Variants in PROSER2 observed in about 807,000 individuals in gnomAD.
PROSER2 encodes proline and serine-rich protein 2.
In PROSER2, 18 loss-of-function variants were observed where a neutral mutation model predicts 14.6. That is an observed-to-expected ratio of 1.23 (90% CI 0.85 to 1.83). The LOEUF (loss-of-function observed/expected upper bound fraction) is 1.83, where lower values mean the gene tolerates loss of function less well. Ranked by LOEUF, PROSER2 falls within the 40% of genes most tolerant of loss-of-function variation. The probability of loss-of-function intolerance (pLI) is 0.00; values close to 1 mark genes in which losing one functional copy is unlikely to be tolerated. For missense variants in PROSER2, 823 were observed against 629.8 expected (o/e 1.31, Z -3.28); for synonymous variants, 367 against 286.4 (o/e 1.28, Z -2.84).
At chr10:11,853,175 C>G (rs1384755759) in intron 2 of PROSER2, among the ~76,000 whole-genome samples, 1 of 152,178 alleles carries the variant, frequency 6.6e-6, no homozygotes, top group Non-Finnish European at 1.5e-5. Flanking sequence ...TAAAATTAGC[C>G]TCAGTTACGC....
At chr10:11,835,020 T>G (rs778966158) in intron 1 of PROSER2, among the ~76,000 whole-genome samples, 2 of 150,536 alleles carry the variant, frequency 1.3e-5, no homozygotes, top group African/African-American at 4.9e-5. Flanking sequence ...GGCAGGAGAA[T>G]TGTTCAAACC....
At position 11,871,556 on chromosome 10, in the gene PROSER2, C is replaced by A. The variant is rs764771581; in HGVS notation, c.*1150C>A. On this transcript the variant is annotated 3_prime_UTR_variant, in exon 4 of 4. Coordinates refer to ENST00000277570, the MANE Select transcript of PROSER2 (RefSeq NM_153256.4). ...TTAAAGATCCACCGACTGTCATGTT[C>A]CACAAGCAAGATCTCAGGGTAGGGA... 1 of 152,206 alleles carries A rather than the reference C, an allele frequency of 6.6e-6. No homozygotes were observed. Among genetic ancestry groups the A allele is most frequent in the African/African-American group, 2.4e-5 (1 of 41,446 alleles). The allele number at this position is 152,206 out of a possible 1,614,324, so 9.4% of individuals were successfully genotyped here.
At chr10:11,847,210 C>A (rs1295333677) in intron 1 of PROSER2, among the ~76,000 whole-genome samples, 1 of 149,350 alleles carries the variant, frequency 6.7e-6, no homozygotes, top group Non-Finnish European at 1.5e-5. Context: ...TTCTTCAACC[C>A]CATTTTCCTC....
At position 11,830,001 on chromosome 10, in the gene PROSER2, G is replaced by C. The variant is rs1833670177; in HGVS notation, c.-82+6531G>C. ...TGGGACTACAGGCGTGTGCCCCCATGCCTGGCTAATTTTTGCATTTTAGTA... is the reference window on the plus strand; with the variant it reads ...TGGGACTACAGGCGTGTGCCCCCATCCCTGGCTAATTTTTGCATTTTAGTA... On this transcript the variant is annotated intron_variant, in intron 1 of 3. Coordinates refer to ENST00000277570, the MANE Select transcript of PROSER2 (RefSeq NM_153256.4). This position sits in a 1 kb window ranked among gnomAD's most constrained non-coding sequence, Gnocchi z 4.5. Among the ~76,000 whole-genome samples, 1 of 151,866 alleles carries C rather than the reference G, an allele frequency of 6.6e-6. No homozygotes were observed. Among genetic ancestry groups the C allele is most frequent in the South Asian group, 2.1e-4 (1 of 4,806 alleles).
chr10:11,843,004 G>C (rs541169515), intron 1 of PROSER2, among the ~76,000 whole-genome samples: 1 of 134,212 alleles, frequency 7.5e-6, no homozygotes, highest in African/African-American at 2.7e-5. Context: ...GCTGTGGCAC[G>C]ATCTCGGCTC....
At chr10:11,852,470 C>T (rs1457607019) in intron 2 of PROSER2, among the ~76,000 whole-genome samples, 1 of 152,038 alleles carries the variant, frequency 6.6e-6, no homozygotes, top group Non-Finnish European at 1.5e-5. Flanking sequence ...GTAGATAGGA[C>T]CAGGCCCGGG....
chr10:11,857,743 T>TAAAAA (rs374000135), intron 2 of PROSER2, among the ~76,000 whole-genome samples: 53 of 106,538 alleles, frequency 5.0e-4, no homozygotes, highest in Non-Finnish European at 7.1e-4. Flanking sequence ...AGACCCCATC[T>TAAAAA]AAAAAAAAAA....
At chr10:11,843,201 A>G (rs1247873310) in intron 1 of PROSER2, among the ~76,000 whole-genome samples, 1 of 147,936 alleles carries the variant, frequency 6.8e-6, no homozygotes, top group Non-Finnish European at 1.5e-5. Flanking sequence ...CGGCCTCCCA[A>G]AGTGCCGGGA....
intron 1 of PROSER2, among the ~76,000 whole-genome samples, chr10:11,824,181 A>G (rs1348590633): frequency 2.0e-5 from 3 of 152,062 alleles, no homozygotes; most frequent in African/African-American, 7.2e-5. Flanking sequence ...AAAACTTTTA[A>G]CTCTACCAGA....
At chr10:11,850,087 G>A (rs941555124) in intron 1 of PROSER2, 1 of 152,268 alleles carries the variant, frequency 6.6e-6, no homozygotes, top group Admixed American at 6.5e-5. Flanking sequence ...GAAGACAATG[G>A]CTGTGGCAAT....
intron 2 of PROSER2, among the ~76,000 whole-genome samples, chr10:11,861,019 T>A (rs1834226339): frequency 6.6e-6 from 1 of 151,982 alleles, no homozygotes; most frequent in South Asian, 2.1e-4. Context: ...GGCAGGAGAA[T>A]TGCTTGAACC....
chr10:11,858,673 CTT>C (rs1420202938), intron 2 of PROSER2, among the ~76,000 whole-genome samples: 4 of 152,098 alleles, frequency 2.6e-5, no homozygotes, highest in Admixed American at 6.5e-5. Context: ...GCAATATTTC[CTT>C]CAGAGACTTG....
intron 3 of PROSER2, among the ~76,000 whole-genome samples, chr10:11,868,438 G>A (rs185966399): frequency 6.6e-6 from 1 of 151,850 alleles, no homozygotes; most frequent in Non-Finnish European, 1.5e-5. Context: ...ACCATGCCTG[G>A]CTAAATTTTT....
intron 2 of PROSER2, among the ~76,000 whole-genome samples, chr10:11,863,897 C>T (rs1311971582): frequency 6.6e-6 from 1 of 152,106 alleles, no homozygotes; most frequent in Admixed American, 6.6e-5. Flanking sequence ...TGCATGGTTT[C>T]CTTTGCCACC....
At position 11,869,558 on chromosome 10, in the gene PROSER2, G is replaced by T. The variant is rs768517572; in HGVS notation, c.460G>T (p.Ala154Ser). 9.1e-5 allele frequency: 147 copies of T among 1,612,878 alleles called. No individual in the cohort carries two copies. Among genetic ancestry groups the T allele is most frequent in the Non-Finnish European group, 1.2e-4 (139 of 1,179,210 alleles). Reference protein sequence around the residue: ...AETPPPPDPPAPETLLAPPPL... With the variant: ...AETPPPPDPPSPETLLAPPPL... Reference sequence around the variant, plus strand: ...GACTCCTCCACCTCCAGACCCCCCGGCTCCCGAGACCCTTCTTGCGCCACC... The same window carrying T: ...GACTCCTCCACCTCCAGACCCCCCGTCTCCCGAGACCCTTCTTGCGCCACC... The change falls in exon 4 of 4, where the codon GCT (alanine) becomes TCT (serine). Residue 154 changes from alanine to serine, a missense_variant. By Grantham distance (99) the Ala-to-Ser change is moderately conservative. Transcript: ENST00000277570. The surrounding 1 kb of genome is among the most constrained non-coding windows in gnomAD (Gnocchi z 4.4).
chr10:11,844,747 G>C (rs1042903021), intron 1 of PROSER2, among the ~76,000 whole-genome samples: 1 of 152,078 alleles, frequency 6.6e-6, no homozygotes, highest in African/African-American at 2.4e-5. Flanking sequence ...CTAGTCTCTC[G>C]AGTAGCTGGG....
At chr10:11,853,460 C>T (rs557025680) in intron 2 of PROSER2, among the ~76,000 whole-genome samples, 101 of 152,200 alleles carry the variant, frequency 6.6e-4, no homozygotes, top group African/African-American at 2.4e-3. Context: ...TGGTGGTGGG[C>T]ACCTGTAATC....
chr10:11,849,548 A>T (rs1833981965), intron 1 of PROSER2: 1 of 152,274 alleles, frequency 6.6e-6, no homozygotes, highest in East Asian at 1.9e-4. Flanking sequence ...AATAGTAAGC[A>T]TCAAAGAATA....
At chr10:11,845,242 G>A (rs1304285319) in intron 1 of PROSER2, among the ~76,000 whole-genome samples, 7 of 152,132 alleles carry the variant, frequency 4.6e-5, no homozygotes, top group East Asian at 1.9e-4. Context: ...GATACTATGC[G>A]GTTGCCCCCT....
Sources: allele counts gnomAD v4.1 joint callset (sites outside exome capture counted in the v4.1 genomes callset), GRCh38; gene constraint gnomAD v4.1.1; non-coding constraint Gnocchi (gnomAD v3.1); transcripts MANE v1.5; gene names NCBI Gene and HGNC (gene_info 2026-07-23, HGNC 2026-07-21).